KCNMA1: variants seen among roughly 807,000 people sequenced by gnomAD.
KCNMA1 encodes the protein Calcium-activated potassium channel subunit alpha-1.
KCNMA1 carries 29 observed loss-of-function variants against 140.0 expected under a neutral mutation model. That is an observed-to-expected ratio of 0.21 (90% CI 0.15 to 0.28). KCNMA1 has a LOEUF of 0.28. Among genes scored for constraint, KCNMA1 ranks in the 10% least tolerant of loss-of-function variants. The probability of loss-of-function intolerance (pLI) is 1.00; values close to 1 mark genes in which losing one functional copy is unlikely to be tolerated. For missense variants in KCNMA1, 880 were observed against 1,602.2 expected (o/e 0.55, Z 7.70); for synonymous variants, 612 against 611.9 (o/e 1.00, Z 0.00).
At chr10:77,469,957 G>GA (rs1279524094) in intron 1 of KCNMA1, among the ~76,000 whole-genome samples, 1 of 151,988 alleles carries the variant, frequency 6.6e-6, no homozygotes, top group Non-Finnish European at 1.5e-5. Flanking sequence ...CAGGGATACA[G>GA]ATTTTTTTTT....
intron 2 of KCNMA1, among the ~76,000 whole-genome samples, chr10:77,252,573 G>A (rs946273237): frequency 6.6e-6 from 1 of 151,398 alleles, no homozygotes; most frequent in African/African-American, 2.4e-5. Context: ...ACGTGTGCCT[G>A]TGTATGTATG....
At chr10:77,064,703 A>G (rs563070520) in intron 14 of KCNMA1, among the ~76,000 whole-genome samples, 1 of 152,352 alleles carries the variant, frequency 6.6e-6, no homozygotes, top group African/African-American at 2.4e-5. Flanking sequence ...AGCATCCTGC[A>G]TGGAAGCCTC....
intron 1 of KCNMA1, among the ~76,000 whole-genome samples, chr10:77,598,598 A>G (rs1011875442): frequency 1.3e-5 from 2 of 152,234 alleles, no homozygotes; most frequent in African/African-American, 4.8e-5. Context: ...TGCTATTTTT[A>G]TAACTTTTGA....
chr10:77,617,622 G>A (rs1198534424), intron 1 of KCNMA1, among the ~76,000 whole-genome samples: 1 of 152,174 alleles, frequency 6.6e-6, no homozygotes, highest in Non-Finnish European at 1.5e-5. Context: ...TTCTAATGCT[G>A]GTACTGCCAC....
intron 14 of KCNMA1, among the ~76,000 whole-genome samples, chr10:77,070,289 CA>C (rs2153700644): frequency 6.6e-6 from 1 of 152,212 alleles, no homozygotes; most frequent in Non-Finnish European, 1.5e-5. Context: ...CCAACCTAGA[CA>C]ACACAGGGAG....
At chr10:77,250,989 C>T in intron 3 of KCNMA1, 3 of 599,210 alleles carry the variant, frequency 5.0e-6, no homozygotes, top group Non-Finnish European at 6.0e-6. Context: ...CCTCACCCTC[C>T]TATGCCAGCA....
chr10:77,162,067 T>C (rs1273493334), intron 5 of KCNMA1, among the ~76,000 whole-genome samples: 1 of 152,226 alleles, frequency 6.6e-6, no homozygotes, highest in Non-Finnish European at 1.5e-5. Context: ...ACACTGATTC[T>C]AGTTAAGTAG....
At chr10:77,539,604 A>T (rs1405997858) in intron 1 of KCNMA1, among the ~76,000 whole-genome samples, 1 of 152,134 alleles carries the variant, frequency 6.6e-6, no homozygotes, top group Non-Finnish European at 1.5e-5. Context: ...CTATTTTGGA[A>T]GTCTATCAGA....
At chr10:77,061,509 G>A (rs1464319162) in intron 14 of KCNMA1, among the ~76,000 whole-genome samples, 1 of 152,202 alleles carries the variant, frequency 6.6e-6, no homozygotes, top group Non-Finnish European at 1.5e-5. Context: ...AATGCCAAGT[G>A]ATGATAAGGA....
chr10:77,160,999 T>G (rs2098548214), intron 5 of KCNMA1, among the ~76,000 whole-genome samples: 1 of 152,234 alleles, frequency 6.6e-6, no homozygotes, highest in South Asian at 2.1e-4. Context: ...CCTATTTTTC[T>G]AAAAGGCCCA....
chr10:77,587,687 C>T (rs1274364836), intron 1 of KCNMA1: 1 of 985,204 alleles, frequency 1.0e-6, no homozygotes, highest in South Asian at 4.7e-5. Flanking sequence ...AGGTACACAT[C>T]AGATCTGCTC....
chr10:77,362,274 C>A (rs1262677905), intron 2 of KCNMA1, among the ~76,000 whole-genome samples: 1 of 152,000 alleles, frequency 6.6e-6, no homozygotes, highest in Non-Finnish European at 1.5e-5. Context: ...CCCCCAAGAA[C>A]AATGACTTAG....
chr10:77,102,131 A>G (rs2097111947), intron 9 of KCNMA1, among the ~76,000 whole-genome samples: 1 of 152,204 alleles, frequency 6.6e-6, no homozygotes, highest in South Asian at 2.1e-4. Context: ...CCCTCAGTAA[A>G]CACATGTGGA....
At chr10:77,284,894 T>G (rs77049881) in intron 2 of KCNMA1, among the ~76,000 whole-genome samples, 4,249 of 152,182 alleles carry the variant, frequency 0.028, 182 homozygotes, top group African/African-American at 0.097. Context: ...TTTAAAGAAC[T>G]CTCAAATTAA....
chr10:77,137,240 G>A (rs1233174655), intron 5 of KCNMA1, among the ~76,000 whole-genome samples: 1 of 152,114 alleles, frequency 6.6e-6, no homozygotes, highest in African/African-American at 2.4e-5. Flanking sequence ...ACACATCCAA[G>A]CCCATACCAG....
At chr10:77,175,127 T>A (rs576270106) in intron 5 of KCNMA1, among the ~76,000 whole-genome samples, 29 of 152,102 alleles carry the variant, frequency 1.9e-4, no homozygotes, top group African/African-American at 6.0e-4. Context: ...TCGGTTGAGC[T>A]CTAAGAACCC....
At chr10:77,300,929 C>T (rs758286934) in intron 2 of KCNMA1, among the ~76,000 whole-genome samples, 1 of 152,174 alleles carries the variant, frequency 6.6e-6, no homozygotes, top group Non-Finnish European at 1.5e-5. Flanking sequence ...CTCGCTGGCC[C>T]CACAGGTTCT....
intron 19 of KCNMA1, among the ~76,000 whole-genome samples, chr10:76,989,665 C>T (rs1454640520): frequency 6.6e-6 from 1 of 152,088 alleles, no homozygotes; most frequent in Non-Finnish European, 1.5e-5. Flanking sequence ...TATTCCATGA[C>T]CTAGAAATTA....
At chr10:77,068,698 TTGTGTGTG>T (rs199660003) in intron 14 of KCNMA1, among the ~76,000 whole-genome samples, 10 of 132,574 alleles carry the variant, frequency 7.5e-5, no homozygotes, top group African/African-American at 2.6e-4. Context: ...GTTCCAGGTT[TTGTGTGTG>T]TGTGTGTGTG....
Sources: allele counts gnomAD v4.1 joint callset (sites outside exome capture counted in the v4.1 genomes callset), GRCh38; gene constraint gnomAD v4.1.1; transcripts MANE v1.5; gene names NCBI Gene and HGNC (gene_info 2026-07-23, HGNC 2026-07-21).